Variants in FHIT observed in about 807,000 individuals in gnomAD.
FHIT encodes fragile histidine triad diadenosine triphosphatase.
Under a neutral mutation model 17.9 loss-of-function variants are expected in FHIT, and 19 were observed. The ratio of observed to expected loss-of-function variants is 1.06; its 90% CI spans 0.74 to 1.56. The LOEUF is 1.56. FHIT is among the 40% of genes most tolerant of loss of function. FHIT has a pLI of 0.00. For synonymous variants in FHIT, 81 were observed against 69.7 expected, an observed-to-expected ratio of 1.16 and a Z score of -0.81; for missense variants, 248 against 189.2, an observed-to-expected ratio of 1.31 and a Z score of -1.82.
chr3:61,093,069 G>T lies in FHIT; in HGVS notation c.-163-50970C>A, dbSNP rs558958732. On this transcript the variant is annotated intron_variant, in intron 2 of 9. Coordinates refer to ENST00000492590, the MANE Select transcript of FHIT (RefSeq NM_002012.4). ...AGTGTGGTCCACCCTTAGCAGCTGT[G>T]TGACTCTAAGCAACTTACTAATCTG... is the stretch of plus-strand genomic sequence containing the variant. Among the ~76,000 whole-genome samples, 5 of 152,270 alleles carry T rather than the reference G, an allele frequency of 3.3e-5. No individual in the cohort carries two copies. In the South Asian group the frequency reaches 1.0e-3, roughly 32 times the overall value.
chr3:59,965,552 T>C (rs1427571901), intron 7 of FHIT, among the ~76,000 whole-genome samples: 4 of 152,200 alleles, frequency 2.6e-5, no homozygotes, highest in Admixed American at 6.6e-5. Flanking sequence ...CAAAGAGTTT[T>C]GTCTTAACAA....
intron 5 of FHIT, among the ~76,000 whole-genome samples, chr3:60,291,939 C>T (rs1007663516): frequency 2.6e-5 from 4 of 152,096 alleles, no homozygotes; most frequent in Non-Finnish European, 4.4e-5. Flanking sequence ...TGGCCCTGTC[C>T]ATATCTTGAT....
intron 1 of FHIT, among the ~76,000 whole-genome samples, chr3:61,235,003 A>G (rs1194199896): frequency 1.3e-5 from 2 of 152,236 alleles, no homozygotes; most frequent in African/African-American, 4.8e-5. Context: ...GTTTCCTTAA[A>G]TAAGTCTAAT....
chr3:59,826,299 T>C (rs1700975868), intron 8 of FHIT, among the ~76,000 whole-genome samples: 1 of 152,182 alleles, frequency 6.6e-6, no homozygotes, highest in Non-Finnish European at 1.5e-5. Flanking sequence ...TTTGTAGAGA[T>C]GGGGTTTCAC....
At chr3:60,242,348 C>T (rs562577017) in intron 5 of FHIT, among the ~76,000 whole-genome samples, 10 of 152,130 alleles carry the variant, frequency 6.6e-5, no homozygotes, top group Non-Finnish European at 8.8e-5. Flanking sequence ...CACCCCAAAC[C>T]GTTTCTCAGT....
chr3:60,877,990 CT>C (rs1704749887), intron 3 of FHIT, among the ~76,000 whole-genome samples: 1 of 152,108 alleles, frequency 6.6e-6, no homozygotes, highest in Non-Finnish European at 1.5e-5. Context: ...CTACATAGTT[CT>C]TCATTCTCAG....
At chr3:60,863,850 T>A in intron 3 of FHIT, among the ~76,000 whole-genome samples, 1 of 152,186 alleles carries the variant, frequency 6.6e-6, no homozygotes, top group East Asian at 1.9e-4. Context: ...AGAATAATAA[T>A]TACAGCTGAC....
intron 5 of FHIT, among the ~76,000 whole-genome samples, chr3:60,024,802 G>C (rs1700678389): frequency 6.6e-6 from 1 of 152,226 alleles, no homozygotes; most frequent in Admixed American, 6.5e-5. Flanking sequence ...GCAGGCCCTT[G>C]ATAGCCTTGG....
At chr3:60,006,331 C>T (rs1699922146) in intron 7 of FHIT, among the ~76,000 whole-genome samples, 2 of 152,110 alleles carry the variant, frequency 1.3e-5, no homozygotes, top group Admixed American at 6.6e-5. Flanking sequence ...GGCAGTCATT[C>T]GTAGCGAGAG....
chr3:60,493,035 T>A (rs2034134046), intron 5 of FHIT, among the ~76,000 whole-genome samples: 1 of 152,088 alleles, frequency 6.6e-6, no homozygotes, highest in Admixed American at 6.5e-5. Context: ...AGCGTAGAAT[T>A]GATGGATAAG....
intron 5 of FHIT, among the ~76,000 whole-genome samples, chr3:60,262,994 A>C (rs558600882): frequency 6.6e-6 from 1 of 152,002 alleles, no homozygotes; most frequent in African/African-American, 2.4e-5. Flanking sequence ...TTATATCTAG[A>C]ATAAAAAATA....
At chr3:60,525,588 A>G (rs542370072) in intron 5 of FHIT, among the ~76,000 whole-genome samples, 2 of 152,300 alleles carry the variant, frequency 1.3e-5, no homozygotes, top group African/African-American at 4.8e-5. Flanking sequence ...CTCTTTAATA[A>G]TATCTTGGGC....
chr3:60,274,695 A>G (rs1260635214), intron 5 of FHIT, among the ~76,000 whole-genome samples: 1 of 152,202 alleles, frequency 6.6e-6, no homozygotes, highest in Non-Finnish European at 1.5e-5. Flanking sequence ...AAAACAGAAG[A>G]TATAGTCTCT....
chr3:60,095,416 C>CGTGT (rs1276498501), intron 5 of FHIT, among the ~76,000 whole-genome samples: 1 of 152,184 alleles, frequency 6.6e-6, no homozygotes, highest in Non-Finnish European at 1.5e-5. Context: ...ATTTCCCTCC[C>CGTGT]GTGTACATTT....
At position 60,174,249 on chromosome 3, in the gene FHIT, G is replaced by GA. The variant is rs575322487; in HGVS notation, c.104-160098dup. On this transcript the variant is annotated intron_variant, in intron 5 of 9. Transcript: ENST00000492590. ...TTAAGACTGAAGTGCTTTTTAAAAA[G>GA]AAAAAAAAATCTTATGGCTACACCA... Among the ~76,000 whole-genome samples the GA allele has an allele frequency of 5.3e-5, 8 of 150,538 alleles. No homozygotes were observed. The East Asian group carries it at 9.9e-4, about 19-fold the overall frequency.
chr3:59,748,961 A>G lies in FHIT; in HGVS notation c.*624T>C, dbSNP rs9866051. 0.14 allele frequency among the ~76,000 whole-genome samples: 20,614 copies of G among 152,070 alleles called. 1,652 individuals carry two copies. Among genetic ancestry groups the G allele is most frequent in the African/African-American group, 0.2 (8,284 of 41,454 alleles). ...CATGTTGAGAATTGTGCAGTTTTGCAGAGTGAGCACCATGAATGTCTTTAA... is the reference window on the plus strand; with the variant it reads ...CATGTTGAGAATTGTGCAGTTTTGCGGAGTGAGCACCATGAATGTCTTTAA... On this transcript the variant is annotated 3_prime_UTR_variant, in exon 10 of 10. Transcript: ENST00000492590.
chr3:60,367,074 A>G (rs564846423), intron 5 of FHIT, among the ~76,000 whole-genome samples: 6 of 152,232 alleles, frequency 3.9e-5, no homozygotes, highest in Non-Finnish European at 4.4e-5. Context: ...TATCAATGAG[A>G]CTCATCAATA....
intron 4 of FHIT, among the ~76,000 whole-genome samples, chr3:60,672,018 A>T (rs1341236560): frequency 2.6e-5 from 4 of 152,146 alleles, no homozygotes; most frequent in African/African-American, 9.6e-5. Context: ...GTCCCTCTTT[A>T]TCTTTGGTAA....
chr3:60,615,535 C>T (rs985148950), intron 4 of FHIT, among the ~76,000 whole-genome samples: 16 of 152,138 alleles, frequency 1.1e-4, no homozygotes, highest in African/African-American at 3.1e-4. Flanking sequence ...TACAGCCATT[C>T]GTCAGAGCAA....
Sources: gnomAD v4.1 joint callset for allele counts (sites outside exome capture counted in the v4.1 genomes callset) on GRCh38, gnomAD v4.1.1 for gene constraint, MANE v1.5 for transcripts, NCBI Gene and HGNC (gene_info 2026-07-23, HGNC 2026-07-21) for gene names.